Variants in FBXO11 observed in about 807,000 individuals in gnomAD.
FBXO11 encodes F-box only protein 11.
Under a neutral mutation model 117.0 loss-of-function variants are expected in FBXO11, and 13 were observed. The ratio of observed to expected loss-of-function variants is 0.11; its 90% CI spans 0.07 to 0.18. The LOEUF (loss-of-function observed/expected upper bound fraction) is 0.18. Among genes scored for constraint, FBXO11 ranks in the 10% least tolerant of loss-of-function variants. FBXO11 has a pLI of 1.00. For synonymous variants in FBXO11, 490 were observed against 380.5 expected, an observed-to-expected ratio of 1.29 and a Z score of -3.35; for missense variants, 767 against 1,164.4, an observed-to-expected ratio of 0.66 and a Z score of 4.97.
At chr2:47,829,798 G>C (rs1209953094) in intron 11 of FBXO11, among the ~76,000 whole-genome samples, 1 of 152,046 alleles carries the variant, frequency 6.6e-6, no homozygotes, top group East Asian at 1.9e-4. Flanking sequence ...ATAATCCAGA[G>C]TGTAAAAAAG....
At chr2:47,826,531 T>C (rs528824315) in intron 11 of FBXO11, among the ~76,000 whole-genome samples, 1 of 152,216 alleles carries the variant, frequency 6.6e-6, no homozygotes, top group Non-Finnish European at 1.5e-5. Flanking sequence ...ACTTCTATTA[T>C]GGGACAGCAG....
intron 1 of FBXO11, among the ~76,000 whole-genome samples, chr2:47,842,408 C>A (rs1037379178): frequency 1.1e-4 from 17 of 152,118 alleles, no homozygotes; most frequent in African/African-American, 3.6e-4. Flanking sequence ...AAAGATAATA[C>A]CTTAATAATA....
chr2:47,854,556 A>C lies in FBXO11; in HGVS notation c.233-14787T>G, dbSNP rs143396370. Among the ~76,000 whole-genome samples, 78 of 152,274 alleles carry C rather than the reference A, an allele frequency of 5.1e-4. 1 individual carries two copies. The East Asian group carries it at 0.014, about 27-fold the overall frequency. Reference sequence around the variant, plus strand: ...CAGAACCTAGCTGTATGACTGGACAAGTCAATTAACCTCTCTAGAATTCAA... The same window carrying C: ...CAGAACCTAGCTGTATGACTGGACACGTCAATTAACCTCTCTAGAATTCAA... On this transcript the variant is annotated intron_variant, in intron 1 of 22. Coordinates refer to ENST00000403359, the MANE Select transcript of FBXO11 (RefSeq NM_001190274.2).
chr2:47,851,049 A>T (rs955442240), intron 1 of FBXO11, among the ~76,000 whole-genome samples: 3 of 152,214 alleles, frequency 2.0e-5, no homozygotes, highest in African/African-American at 7.2e-5. Context: ...TCCAAGTTCA[A>T]TTGGACAATG....
intron 13 of FBXO11, among the ~76,000 whole-genome samples, chr2:47,821,512 C>A (rs913683890): frequency 3.3e-5 from 5 of 151,138 alleles, no homozygotes; most frequent in Non-Finnish European, 5.9e-5. Flanking sequence ...TGGGAGGCTG[C>A]GGCAGGAGAA....
At chr2:47,826,098 A>G (rs1484762696) in intron 11 of FBXO11, among the ~76,000 whole-genome samples, 1 of 151,938 alleles carries the variant, frequency 6.6e-6, no homozygotes, top group Admixed American at 6.6e-5. Flanking sequence ...TCACTTTGTC[A>G]CCCAGGCTTG....
chr2:47,905,492 G>A lies in FBXO11; in HGVS notation c.229C>T (p.Arg77Trp), dbSNP rs1183497722. 4.9e-6 allele frequency: 6 copies of A among 1,228,974 alleles called. No individual in the cohort carries two copies. Among genetic ancestry groups the A allele is most frequent in the Non-Finnish European group, 6.1e-6 (6 of 986,572 alleles). The allele number at this position is 1,228,974 out of a possible 1,614,324, so 76.1% of individuals were successfully genotyped here. A position where few individuals can be genotyped will look rare whatever the true frequency, so the allele number is the denominator to read the frequency against. ...TTGGGAGGTAGCGCGGCCTTACCCCGCTCGCCGACGTTGTTCCGCTCCTGA... is the reference window on the plus strand; with the variant it reads ...TTGGGAGGTAGCGCGGCCTTACCCCACTCGCCGACGTTGTTCCGCTCCTGA... The part of the protein sequence containing the change: ...LPQERNNVGE[R>W]DDDVPADMVA... Residue 77 changes from arginine (R) to tryptophan (W), a missense_variant, in exon 1 of 23, where the codon CGG becomes TGG. This residue lies in a region of FBXO11 where 355 missense variants were observed against 299.8 expected (regional missense o/e 1.18). Transcript: ENST00000403359.
At position 47,813,274 on chromosome 2, in the gene FBXO11, A is replaced by G; in HGVS notation, c.2187T>C (p.Asp729=). ...ATATACAGATGCCACCATCTCTTCCATCATGGATTTTATTTCTTCTTAGTG... is the reference window on the plus strand; with the variant it reads ...ATATACAGATGCCACCATCTCTTCCGTCATGGATTTTATTTCTTCTTAGTG... ...NPTLRRNKIH[D]GRDGGICIFN... is the part of the protein sequence containing the mutation. Residue 729 remains aspartate (D), a synonymous_variant, in exon 18 of 23, where the codon GAT becomes GAC. Coordinates refer to ENST00000403359, the MANE Select transcript of FBXO11 (RefSeq NM_001190274.2). 1 of 1,613,506 alleles carries G rather than the reference A, an allele frequency of 6.2e-7. No homozygotes were observed. Among genetic ancestry groups the G allele is most frequent in the Non-Finnish European group, 8.5e-7 (1 of 1,179,588 alleles).
rs1188325831 is a variant in FBXO11, at chr2:47,886,515, A to AG, written c.232+18973_232+18974insC. 2.0e-5 allele frequency among the ~76,000 whole-genome samples: 3 copies of AG among 152,094 alleles called. No homozygotes were observed. In the East Asian group the frequency reaches 5.8e-4, roughly 29 times the overall value. The stretch of plus-strand genomic sequence containing the variant: ...AGCGAGACTCTCAAAAAAAAAAAAA[A>AG]AAAGTGAATCTTTCTACTAAAATTG... On this transcript the variant is annotated intron_variant, in intron 1 of 22. Transcript: ENST00000403359.
intron 1 of FBXO11, among the ~76,000 whole-genome samples, chr2:47,848,008 C>G (rs1402744234): frequency 1.3e-5 from 2 of 151,784 alleles, no homozygotes; most frequent in African/African-American, 4.8e-5. Flanking sequence ...CTTGTAGTCC[C>G]AGCTACTCGG....
At chr2:47,842,310 C>T (rs565896282) in intron 1 of FBXO11, among the ~76,000 whole-genome samples, 24 of 152,024 alleles carry the variant, frequency 1.6e-4, no homozygotes, top group Admixed American at 5.2e-4. Context: ...CACCGGCGCC[C>T]GGCAGGAGGA....
Position 47,876,567 on chromosome 2 carries a change from A to G in FBXO11, c.232+28922T>C, listed in dbSNP as rs538035898. 4.6e-4 allele frequency among the ~76,000 whole-genome samples: 70 copies of G among 152,338 alleles called. No individual in the cohort carries two copies. In the South Asian group the frequency reaches 0.014, roughly 31 times the overall value. ...TATATTCCTTATACATTCGGAGGAA[A>G]GAAGATCCTTTTATCTTCTGGAAGA... On this transcript the variant is annotated intron_variant, in intron 1 of 22. Transcript: ENST00000403359.
At chr2:47,847,731 T>C (rs1160752288) in intron 1 of FBXO11, among the ~76,000 whole-genome samples, 2 of 150,596 alleles carry the variant, frequency 1.3e-5, no homozygotes, top group Admixed American at 6.6e-5. Flanking sequence ...AAATATGGTA[T>C]CATAATTTTT....
intron 1 of FBXO11, among the ~76,000 whole-genome samples, chr2:47,885,764 A>T (rs1241576285): frequency 6.6e-6 from 1 of 152,154 alleles, no homozygotes; most frequent in African/African-American, 2.4e-5. Context: ...GAACCAAGAG[A>T]CGAAAGGAGT....
intron 4 of FBXO11, among the ~76,000 whole-genome samples, chr2:47,837,698 T>C (rs1672693728): frequency 6.6e-6 from 1 of 152,228 alleles, no homozygotes; most frequent in African/African-American, 2.4e-5. Flanking sequence ...TCATTTATTA[T>C]AGTTGTGATT....
At chr2:47,894,396 A>G (rs908446887) in intron 1 of FBXO11, among the ~76,000 whole-genome samples, 11 of 152,356 alleles carry the variant, frequency 7.2e-5, no homozygotes, top group African/African-American at 2.2e-4. Context: ...AAATATTTTC[A>G]TAAGAGTTAA....
At chr2:47,890,326 A>T (rs765063077) in intron 1 of FBXO11, among the ~76,000 whole-genome samples, 41 of 152,162 alleles carry the variant, frequency 2.7e-4, no homozygotes, top group Admixed American at 5.2e-4. Flanking sequence ...TAGAAATAAT[A>T]TAGTCAATTA....
intron 16 of FBXO11, among the ~76,000 whole-genome samples, chr2:47,818,006 G>T (rs867339001): frequency 6.6e-6 from 1 of 152,200 alleles, no homozygotes; most frequent in Non-Finnish European, 1.5e-5. Context: ...AGTCAGCCAG[G>T]CATGGTGGCA....
chr2:47,848,624 T>G (rs1009703506), intron 1 of FBXO11, among the ~76,000 whole-genome samples: 2 of 152,238 alleles, frequency 1.3e-5, no homozygotes, highest in African/African-American at 4.8e-5. Context: ...TTTCTAGATT[T>G]TACTACAAAT....
Sources: gnomAD v4.1 joint callset for allele counts (sites outside exome capture counted in the v4.1 genomes callset) on GRCh38, gnomAD v4.1.1 for gene constraint, gnomAD v4.1.1 regional missense constraint, MANE v1.5 for transcripts, NCBI Gene and HGNC (gene_info 2026-07-23, HGNC 2026-07-21) for gene names.